The following CPNE8 variants were observed in gnomAD, a reference collection of about 807,000 sequenced individuals.
CPNE8 encodes the protein copine-8.
Under a neutral mutation model 81.5 loss-of-function variants are expected in CPNE8, and 45 were observed. That is an observed-to-expected ratio of 0.55 (90% CI 0.44 to 0.71). The LOEUF (loss-of-function observed/expected upper bound fraction) is 0.71, where lower values mean the gene tolerates loss of function less well. Among genes scored for constraint, CPNE8 ranks in the 30% least tolerant of loss-of-function variants. The pLI is 0.00. For synonymous variants in CPNE8, 252 were observed against 226.3 expected (o/e 1.11, Z -1.02); for missense variants, 594 against 672.1 (o/e 0.88, Z 1.28).
intron 6 of CPNE8, among the ~76,000 whole-genome samples, chr12:38,790,663 T>C (rs1485276537): frequency 6.6e-6 from 1 of 151,768 alleles, no homozygotes; most frequent in Non-Finnish European, 1.5e-5. Context: ...TTTTCCATGA[T>C]GTGATTATTA....
intron 15 of CPNE8, among the ~76,000 whole-genome samples, chr12:38,687,340 A>G (rs74237753): frequency 0.047 from 6,650 of 140,022 alleles, 387 homozygotes; most frequent in East Asian, 0.34. Context: ...CTTAAACACC[A>G]TTATGCTACC....
chr12:38,795,504 A>C (rs1310504761), intron 6 of CPNE8, among the ~76,000 whole-genome samples: 1 of 152,204 alleles, frequency 6.6e-6, no homozygotes, highest in East Asian at 1.9e-4. Flanking sequence ...ATGAATAAGC[A>C]AAATGTGGTA....
At chr12:38,707,427 G>A (rs758112975) in intron 13 of CPNE8, among the ~76,000 whole-genome samples, 1 of 151,890 alleles carries the variant, frequency 6.6e-6, no homozygotes, top group Non-Finnish European at 1.5e-5. Context: ...ACAATGAACT[G>A]TAGAAAAGAA....
chr12:38,879,978 A>AT (rs1324818400), intron 1 of CPNE8, among the ~76,000 whole-genome samples: 4 of 152,186 alleles, frequency 2.6e-5, no homozygotes, highest in Non-Finnish European at 5.9e-5. Context: ...CTTGAGTGCA[A>AT]TTTTTCTATT....
Position 38,841,409 on chromosome 12 carries a change from C to T in CPNE8, c.291-1454G>A, listed in dbSNP as rs370683920. On this transcript the variant is annotated intron_variant, in intron 4 of 19. Transcript: ENST00000331366. ...AAGGGAAGGAAAGTATTATAGAATA[C>T]AGGAGACACAGGAGAAAAATACAAT... 8.3e-4 allele frequency among the ~76,000 whole-genome samples: 126 copies of T among 152,250 alleles called. No homozygotes were observed. In the East Asian group the frequency reaches 9.1e-3, roughly 11 times the overall value.
intron 3 of CPNE8, among the ~76,000 whole-genome samples, chr12:38,859,776 G>A (rs1324270671): frequency 6.6e-6 from 1 of 152,108 alleles, no homozygotes; most frequent in Non-Finnish European, 1.5e-5. Flanking sequence ...ACACAGAGAT[G>A]TTTAACTGAT....
chr12:38,688,666 C>A (rs1356798491), intron 15 of CPNE8, among the ~76,000 whole-genome samples: 2 of 151,704 alleles, frequency 1.3e-5, no homozygotes, highest in African/African-American at 4.8e-5. Context: ...GGAATAATGG[C>A]ATTCACGGCA....
intron 5 of CPNE8, among the ~76,000 whole-genome samples, chr12:38,832,704 T>C (rs1049129327): frequency 6.6e-6 from 1 of 151,560 alleles, no homozygotes; most frequent in Non-Finnish European, 1.5e-5. Context: ...CTAATGTTTG[T>C]ATTTTTAGTA....
intron 1 of CPNE8, among the ~76,000 whole-genome samples, chr12:38,902,511 C>T (rs183403794): frequency 9.2e-5 from 14 of 152,260 alleles, no homozygotes; most frequent in Admixed American, 9.2e-4. Flanking sequence ...GAAGTGTGGG[C>T]AAATCCTCAG....
rs559093331 is a variant in CPNE8 at position 38,792,776 on chromosome 12, C to G, written c.408-16475G>C. Among the ~76,000 whole-genome samples, 234 of 151,786 alleles carry G rather than the reference C, an allele frequency of 1.5e-3. 1 individual carries two copies. The highest frequency in any genetic ancestry group is 5.5e-3 in the African/African-American group (227 of 41,510). ...CACCAAAGCACATCAAAACACTATACAAAGAAGAGAACGTTATAGATCAAT... is the reference window on the plus strand; with the variant it reads ...CACCAAAGCACATCAAAACACTATAGAAAGAAGAGAACGTTATAGATCAAT... On this transcript the variant is annotated intron_variant, in intron 6 of 19. Transcript: ENST00000331366.
At chr12:38,703,129 A>T (rs1475740613) in intron 13 of CPNE8, among the ~76,000 whole-genome samples, 1 of 152,312 alleles carries the variant, frequency 6.6e-6, no homozygotes, top group Admixed American at 6.5e-5. Flanking sequence ...ACATATATTT[A>T]TAGTCACATA....
Position 38,835,628 on chromosome 12 carries a change from C to CTA in CPNE8, c.330+4286_330+4287dup, listed in dbSNP as rs202204365. On this transcript the variant is annotated intron_variant, in intron 5 of 19. Transcript: ENST00000331366. Reference sequence around the variant, plus strand: ...ATTAATACTTTAGAATTTAGTTCATCTATATATACGTTAAATTAGCTTTAT... The same window carrying CTA: ...ATTAATACTTTAGAATTTAGTTCATCTATATATATACGTTAAATTAGCTTTAT... Among the ~76,000 whole-genome samples, 846 of 152,230 alleles carry CTA rather than the reference C, an allele frequency of 5.6e-3. 5 individuals are homozygous for CTA. The highest frequency in any genetic ancestry group is 0.02 in the African/African-American group (830 of 41,534).
At chr12:38,705,390 C>CA (rs756323243) in intron 13 of CPNE8, among the ~76,000 whole-genome samples, 7 of 152,258 alleles carry the variant, frequency 4.6e-5, no homozygotes. Context: ...CAAATTCACA[C>CA]ATTTTTTTTC....
At chr12:38,750,170 G>T (rs1220619662) in intron 10 of CPNE8, among the ~76,000 whole-genome samples, 2 of 152,182 alleles carry the variant, frequency 1.3e-5, no homozygotes, top group African/African-American at 4.8e-5. Flanking sequence ...CTTCCACATG[G>T]TGTTGAGCTG....
chr12:38,776,457 T>C (rs921221470), intron 6 of CPNE8, among the ~76,000 whole-genome samples, 156 bp from the exon 7 acceptor site: 1 of 151,528 alleles, frequency 6.6e-6, no homozygotes, highest in African/African-American at 2.4e-5. Context: ...GTAGCTGGGA[T>C]TACAGGCCCA....
intron 6 of CPNE8, among the ~76,000 whole-genome samples, chr12:38,821,053 C>T (rs549751311): frequency 1.3e-5 from 2 of 152,262 alleles, no homozygotes; most frequent in African/African-American, 4.8e-5. Context: ...CCACATACAA[C>T]CATCCTCTAC....
chr12:38,717,606 G>A (rs1027902610), intron 13 of CPNE8, among the ~76,000 whole-genome samples: 1 of 151,534 alleles, frequency 6.6e-6, no homozygotes, highest in African/African-American at 2.4e-5. Context: ...CAGAAGGTAA[G>A]CTATGGTAAC....
chr12:38,695,887 C>T (rs1377401070), intron 14 of CPNE8, among the ~76,000 whole-genome samples: 1 of 151,948 alleles, frequency 6.6e-6, no homozygotes, highest in East Asian at 1.9e-4. Context: ...GTGCAGTGAG[C>T]CCCTGATAGT....
At chr12:38,891,999 A>C (rs1944320712) in intron 1 of CPNE8, among the ~76,000 whole-genome samples, 1 of 152,252 alleles carries the variant, frequency 6.6e-6, no homozygotes, top group African/African-American at 2.4e-5. Flanking sequence ...AGAATGTACA[A>C]GAAATGTTGT....
Sources: allele counts gnomAD v4.1 joint callset (sites outside exome capture counted in the v4.1 genomes callset), GRCh38; gene constraint gnomAD v4.1.1; transcripts MANE v1.5; gene names NCBI Gene and HGNC (gene_info 2026-07-23, HGNC 2026-07-21).